The following ENO1 variants were observed in gnomAD, a reference collection of about 807,000 sequenced individuals.
ENO1 encodes the protein enolase 1.
A neutral mutation model predicts 46.3 loss-of-function variants in ENO1; 33 were observed. The observed-to-expected ratio is 0.71, with a 90% CI of 0.54 to 0.95. ENO1 has a LOEUF of 0.95. Among genes scored for constraint, ENO1 ranks in the 40% least tolerant of loss-of-function variants. The pLI is 0.00. For missense variants in ENO1, 488 were observed against 553.3 expected, an observed-to-expected ratio of 0.88 and a Z score of 1.18; for synonymous variants, 220 against 216.0, an observed-to-expected ratio of 1.02 and a Z score of -0.16.
chr1:8,864,896 A>G lies in ENO1; in HGVS notation c.865+389T>C, dbSNP rs1272925740. 2.6e-5 allele frequency among the ~76,000 whole-genome samples: 4 copies of G among 152,172 alleles called. No individual in the cohort carries two copies. In the East Asian group the frequency reaches 7.7e-4, roughly 29 times the overall value. ...CTGTAGAAAGGTGGTCACAGTCTCT[A>G]TCCTGTGCACACACACAGCCTAAAA... is the stretch of plus-strand genomic sequence containing the variant. On this transcript the variant is annotated intron_variant, in intron 8 of 11. Transcript: ENST00000234590.
Position 8,867,680 on chromosome 1 carries a change from C to A in ENO1, c.310+308G>T, listed in dbSNP as rs534341553. ...CTCCTGCTGGGACTACAGGCGCCCA[C>A]CACCAGGCCTGGCTAATTTTTTGTA... is the stretch of plus-strand genomic sequence containing the variant. On this transcript the variant is annotated intron_variant, in intron 5 of 11. Coordinates refer to ENST00000234590, the MANE Select transcript of ENO1 (RefSeq NM_001428.5). 1.6e-3 allele frequency among the ~76,000 whole-genome samples: 246 copies of A among 152,222 alleles called. 1 individual carries two copies. Among genetic ancestry groups the A allele is most frequent in the African/African-American group, 4.9e-3 (203 of 41,524 alleles).
chr1:8,865,895 T>A, intron 7 of ENO1: 1 of 330,326 alleles, frequency 3.0e-6, no homozygotes, highest in Non-Finnish European at 5.7e-6. Flanking sequence ...CGCCAGGCTG[T>A]GCCGTTGAGA....
At chr1:8,870,979 A>G (rs1161836780) in intron 3 of ENO1, 3 of 1,244,556 alleles carry the variant, frequency 2.4e-6, no homozygotes, top group Non-Finnish European at 3.0e-6. Context: ...GGGGCAGGAA[A>G]GCAGAGGAGA....
intron 10 of ENO1, 92 bp from the exon 11 acceptor site, chr1:8,863,037 T>C: frequency 1.3e-6 from 2 of 1,515,390 alleles, no homozygotes; most frequent in Non-Finnish European, 9.0e-7. Context: ...AGAGAATTTC[T>C]AGAGGATCTG....
intron 7 of ENO1, chr1:8,866,053 C>A: frequency 2.1e-6 from 1 of 470,838 alleles, no homozygotes; most frequent in Non-Finnish European, 3.7e-6. Context: ...TGCACTCCAG[C>A]CTGGGCGACA....
chr1:8,873,241 C>T (rs1340399702), intron 2 of ENO1, among the ~76,000 whole-genome samples: 2 of 152,176 alleles, frequency 1.3e-5, no homozygotes, highest in Non-Finnish European at 2.9e-5. Context: ...GGGGGGGCTG[C>T]GCATGTGCAG....
chr1:8,866,236 C>A (rs28999085), intron 7 of ENO1, 43 bp downstream of exon 7: 35 of 1,580,496 alleles, frequency 2.2e-5, no homozygotes, highest in East Asian at 2.3e-5. Flanking sequence ...AGGGAGCTGG[C>A]GCTGCAGGGC....
At chr1:8,865,863 G>T in intron 7 of ENO1, 1 of 337,074 alleles carries the variant, frequency 3.0e-6, no homozygotes, top group South Asian at 2.8e-5. Flanking sequence ...AGTGGAGGCA[G>T]CCCGGGATGG....
chr1:8,861,322 T>C lies in ENO1; in HGVS notation c.*38A>G, dbSNP rs778409470. 2.5e-6 allele frequency: 4 copies of C among 1,610,404 alleles called. No homozygotes were observed. Among genetic ancestry groups the C allele is most frequent in the Non-Finnish European group, 3.4e-6 (4 of 1,177,932 alleles). The stretch of plus-strand genomic sequence containing the variant: ...GCTGACACGAGGGGAGGGGTCTGTG[T>C]AGCCAACAGGTGACCGAAGGGCTTG... On this transcript the variant is annotated 3_prime_UTR_variant, in exon 12 of 12. Transcript: ENST00000234590.
At chr1:8,877,315 G>A (rs979898731) in intron 1 of ENO1, among the ~76,000 whole-genome samples, 2 of 150,008 alleles carry the variant, frequency 1.3e-5, no homozygotes, top group Non-Finnish European at 3.0e-5. Flanking sequence ...TCTAACTCCC[G>A]ACCTCAGGTG....
At chr1:8,866,253 G>T in intron 7 of ENO1, 26 bp downstream of exon 7, 1 of 1,609,312 alleles carries the variant, frequency 6.2e-7, no homozygotes, top group Non-Finnish European at 8.5e-7. Flanking sequence ...GGGCTGGGTG[G>T]GGGGGCGGTT....
In ENO1 at chr1:8,861,462, GAA is replaced by G. The variant is rs772510631; in HGVS notation, c.1236-35_1236-34del. On this transcript the variant is annotated intron_variant, in intron 11 of 11. Transcript: ENST00000234590. ...AGGAGAAAGGTAAAGAGATGGGGAG[GAA>G]AAAAGAAAAGTCAGACCTCAAGTTT... 9 of 1,610,796 alleles carry G rather than the reference GAA, an allele frequency of 5.6e-6. No individual in the cohort carries two copies. In the South Asian group the frequency reaches 8.8e-5, roughly 16 times the overall value.
At position 8,874,589 on chromosome 1, in the gene ENO1, AAAAAAAAAAAAG is replaced by A. The variant is rs1642697539; in HGVS notation, c.85+223_85+234del. ...CAAGACTCCATCTCAAAAAAAAAAA[AAAAAAAAAAAAG>A]AAAAAGAAAAAGAAAAAAATAAGCC... is the stretch of plus-strand genomic sequence containing the variant. On this transcript the variant is annotated intron_variant, in intron 2 of 11. Transcript: ENST00000234590. Among the ~76,000 whole-genome samples the A allele has an allele frequency of 4.0e-5, 6 of 150,338 alleles. No homozygotes were observed. The South Asian group carries it at 1.0e-3, about 26-fold the overall frequency.
intron 9 of ENO1, 101 bp from the exon 10 acceptor site, chr1:8,863,444 G>T: frequency 8.8e-7 from 1 of 1,136,382 alleles, no homozygotes; most frequent in Non-Finnish European, 1.2e-6. Flanking sequence ...CAGTGGAGGG[G>T]CTGTTAATGG....
intron 1 of ENO1, chr1:8,878,269 G>A (rs1326150494): frequency 7.8e-6 from 2 of 256,548 alleles, no homozygotes; most frequent in East Asian, 2.6e-4. Flanking sequence ...GTGCTAAGCA[G>A]CTCGCGTGTG....
chr1:8,878,557 C>G (rs996603461), intron 1 of ENO1, 23 bp downstream of exon 1: 1 of 455,272 alleles, frequency 2.2e-6, no homozygotes, highest in Non-Finnish European at 4.4e-6. Flanking sequence ...CTGCCCGTTG[C>G]TCAGCCCTTC....
intron 7 of ENO1, chr1:8,865,879 T>C: frequency 3.1e-6 from 1 of 325,432 alleles, no homozygotes; most frequent in Non-Finnish European, 5.8e-6. Flanking sequence ...GATGGCAGGA[T>C]CCTCCCGCCA....
chr1:8,876,451 A>C (rs1032492229), intron 1 of ENO1: 9 of 152,224 alleles, frequency 5.9e-5, no homozygotes, highest in African/African-American at 2.2e-4. Flanking sequence ...CCATCACTGC[A>C]AAAAGTTATC....
intron 1 of ENO1, 165 bp downstream of exon 1, chr1:8,878,415 G>A: frequency 3.0e-6 from 1 of 330,288 alleles, no homozygotes; most frequent in East Asian, 9.8e-5. Flanking sequence ...GCCTCGGGGT[G>A]AGCGGGGGCG....
Sources: gnomAD v4.1 joint callset for allele counts (sites outside exome capture counted in the v4.1 genomes callset) on GRCh38, gnomAD v4.1.1 for gene constraint, MANE v1.5 for transcripts, NCBI Gene and HGNC (gene_info 2026-07-23, HGNC 2026-07-21) for gene names.